Variants in GRM7 observed in about 807,000 individuals in gnomAD.
GRM7 encodes glutamate metabotropic receptor 7.
Under a neutral mutation model 84.5 loss-of-function variants are expected in GRM7, and 35 were observed. The ratio of observed to expected loss-of-function variants is 0.41; its 90% CI spans 0.32 to 0.55. GRM7 has a LOEUF of 0.55. GRM7 is among the 20% of genes least tolerant of loss of function. The pLI, the probability that GRM7 is intolerant of heterozygous loss-of-function variation, is 0.19. For missense variants in GRM7, 1,003 were observed against 1,194.6 expected (o/e 0.84, Z 2.36); for synonymous variants, 487 against 455.1 (o/e 1.07, Z -0.89).
At chr3:7,097,018 C>G (rs1490871468) in intron 1 of GRM7, among the ~76,000 whole-genome samples, 1 of 152,104 alleles carries the variant, frequency 6.6e-6, no homozygotes, top group Non-Finnish European at 1.5e-5. Context: ...ATAATAAACA[C>G]AAAATGCCTA....
intron 3 of GRM7, among the ~76,000 whole-genome samples, chr3:7,304,921 T>C (rs1700135829): frequency 6.6e-6 from 1 of 152,204 alleles, no homozygotes; most frequent in South Asian, 2.1e-4. Flanking sequence ...CTTCTGGCAA[T>C]TCACATATGA....
intron 1 of GRM7, among the ~76,000 whole-genome samples, chr3:7,061,297 T>C (rs1697427290): frequency 6.6e-6 from 1 of 151,832 alleles, no homozygotes; most frequent in South Asian, 2.1e-4. Flanking sequence ...ATGACAATGG[T>C]AATAGCCAGC....
chr3:7,327,493 G>C (rs1417343343), intron 4 of GRM7, among the ~76,000 whole-genome samples: 1 of 152,056 alleles, frequency 6.6e-6, no homozygotes, highest in Non-Finnish European at 1.5e-5. Flanking sequence ...CTAAACTCCA[G>C]TTAACATATT....
At chr3:7,632,646 T>C (rs1240840691) in intron 8 of GRM7, among the ~76,000 whole-genome samples, 1 of 152,208 alleles carries the variant, frequency 6.6e-6, no homozygotes, top group Non-Finnish European at 1.5e-5. Context: ...CTTATTGTAA[T>C]GATGGGAGCA....
At chr3:7,540,427 C>A (rs1044628823) in intron 7 of GRM7, among the ~76,000 whole-genome samples, 4 of 152,062 alleles carry the variant, frequency 2.6e-5, no homozygotes, top group Non-Finnish European at 4.4e-5. Flanking sequence ...ATGCATGCTT[C>A]AGTAGGAATT....
intron 7 of GRM7, among the ~76,000 whole-genome samples, chr3:7,495,449 C>T (rs1427542277): frequency 6.6e-6 from 1 of 152,108 alleles, no homozygotes; most frequent in Admixed American, 6.6e-5. Context: ...CCCTCACTCA[C>T]CCTTCTTAGT....
At position 7,521,844 on chromosome 3, in the gene GRM7, A is replaced by G. The variant is rs140070200; in HGVS notation, c.1516-56578A>G. Among the ~76,000 whole-genome samples the G allele has an allele frequency of 2.4e-4, 37 of 152,284 alleles. No individual in the cohort carries two copies. In the East Asian group the frequency reaches 3.1e-3, roughly 13 times the overall value. On this transcript the variant is annotated intron_variant, in intron 7 of 9. Coordinates refer to ENST00000357716, the MANE Select transcript of GRM7 (RefSeq NM_000844.4). ...CTCAGTGGGGACAAGGTCTTTCACC[A>G]CTTTTCTGCATGCAAAATCATTTAT...
intron 6 of GRM7, among the ~76,000 whole-genome samples, chr3:7,453,029 A>T (rs1289473348): frequency 2.8e-5 from 4 of 141,920 alleles, no homozygotes; most frequent in Non-Finnish European, 4.6e-5. Flanking sequence ...TGAAATAGAG[A>T]TTTTTTTTTT....
intron 1 of GRM7, among the ~76,000 whole-genome samples, chr3:7,005,511 T>A (rs934552325): frequency 1.3e-5 from 2 of 152,236 alleles, no homozygotes; most frequent in African/African-American, 4.8e-5. Context: ...TGTTCAATAG[T>A]ACCATATGTT....
intron 7 of GRM7, among the ~76,000 whole-genome samples, chr3:7,574,941 CTGAG>C (rs3840240): frequency 0.25 from 37,649 of 151,936 alleles, 4,796 homozygotes; most frequent in Middle Eastern, 0.38. Flanking sequence ...GCCTGTCTGT[CTGAG>C]TTTCTTTTTT....
intron 8 of GRM7, among the ~76,000 whole-genome samples, chr3:7,626,335 G>A (rs1697608145): frequency 6.6e-6 from 1 of 152,214 alleles, no homozygotes; most frequent in Non-Finnish European, 1.5e-5. Flanking sequence ...GGCAACTAGA[G>A]TTACTCAGTC....
chr3:7,004,440 A>G (rs562667237), intron 1 of GRM7, among the ~76,000 whole-genome samples: 103 of 152,316 alleles, frequency 6.8e-4, no homozygotes, highest in African/African-American at 2.4e-3. Context: ...TAAAACTTTC[A>G]AATACAATCT....
At chr3:7,693,807 G>GTT in intron 9 of GRM7, 1 of 594,392 alleles carries the variant, frequency 1.7e-6, no homozygotes, top group Non-Finnish European at 3.0e-6. Flanking sequence ...GTCGGGGGTA[G>GTT]TTCTCATCAC....
intron 9 of GRM7, among the ~76,000 whole-genome samples, chr3:7,709,835 CT>C (rs1398209598): frequency 1.3e-5 from 2 of 152,120 alleles, no homozygotes; most frequent in East Asian, 3.9e-4. Context: ...AGGAAGCTGC[CT>C]TCCACAGAAG....
At chr3:7,135,554 T>C (rs558429338) in intron 1 of GRM7, among the ~76,000 whole-genome samples, 2 of 152,174 alleles carry the variant, frequency 1.3e-5, no homozygotes, top group African/African-American at 4.8e-5. Context: ...TGCCCACATA[T>C]GCAAATCCCC....
At chr3:7,444,496 T>C (rs1423957823) in intron 5 of GRM7, among the ~76,000 whole-genome samples, 4 of 152,242 alleles carry the variant, frequency 2.6e-5, no homozygotes, top group Non-Finnish European at 4.4e-5. Context: ...AGTTTTCTTA[T>C]GTCAGTTTTA....
intron 7 of GRM7, among the ~76,000 whole-genome samples, chr3:7,577,568 T>G (rs1695027520): frequency 6.6e-6 from 1 of 152,174 alleles, no homozygotes; most frequent in African/African-American, 2.4e-5. Flanking sequence ...ACAGTAAAGT[T>G]TCCCGTTGTT....
chr3:7,197,551 A>C (rs150553403), intron 2 of GRM7, among the ~76,000 whole-genome samples: 41 of 152,248 alleles, frequency 2.7e-4, no homozygotes, highest in African/African-American at 9.4e-4. Context: ...TGTTCAAGAT[A>C]ATGTAGTCCA....
At chr3:7,652,465 C>T (rs193178316) in intron 8 of GRM7, among the ~76,000 whole-genome samples, 54 of 152,294 alleles carry the variant, frequency 3.5e-4, no homozygotes, top group African/African-American at 1.1e-3. Context: ...TGTGTGTTTG[C>T]TTAGCTCTGC....
Sources: gnomAD v4.1 joint callset for allele counts (sites outside exome capture counted in the v4.1 genomes callset) on GRCh38, gnomAD v4.1.1 for gene constraint, MANE v1.5 for transcripts, NCBI Gene and HGNC (gene_info 2026-07-23, HGNC 2026-07-21) for gene names.